Variants in MARK3 observed in about 807,000 individuals in gnomAD.
MARK3 encodes the protein MAP/microtubule affinity-regulating kinase 3.
A neutral mutation model predicts 90.1 loss-of-function variants in MARK3; 46 were observed. The ratio of observed to expected loss-of-function variants is 0.51; its 90% CI spans 0.40 to 0.65. MARK3 has a LOEUF of 0.65. Among genes scored for constraint, MARK3 ranks in the 30% least tolerant of loss-of-function variants. The probability of loss-of-function intolerance (pLI) is 0.00; values close to 1 mark genes in which losing one functional copy is unlikely to be tolerated. For synonymous variants in MARK3, 321 were observed against 332.6 expected, an observed-to-expected ratio of 0.97 and a Z score of 0.38; for missense variants, 818 against 947.2, an observed-to-expected ratio of 0.86 and a Z score of 1.79.
chr14:103,495,690 C>A (rs752713762), intron 15 of MARK3, among the ~76,000 whole-genome samples: 1 of 152,178 alleles, frequency 6.6e-6, no homozygotes, highest in African/African-American at 2.4e-5. Context: ...CAGGCTATTT[C>A]CACACCCCCA....
At chr14:103,427,924 C>T (rs139196904) in intron 2 of MARK3, among the ~76,000 whole-genome samples, 110 of 152,318 alleles carry the variant, frequency 7.2e-4, no homozygotes, top group African/African-American at 2.5e-3. Context: ...TCCTATCTCA[C>T]CCTGTGACTA....
chr14:103,441,557 A>G (rs1240752058), intron 3 of MARK3: 2 of 152,278 alleles, frequency 1.3e-5, no homozygotes, highest in Admixed American at 1.3e-4. Flanking sequence ...AAGTGCTGGA[A>G]TTACAGGTGT....
chr14:103,393,660 A>G (rs539319789), intron 1 of MARK3, among the ~76,000 whole-genome samples: 64 of 152,328 alleles, frequency 4.2e-4, no homozygotes, highest in Admixed American at 2.2e-3. Context: ...TTAGACTTAC[A>G]TGGTGCATGA....
At chr14:103,458,695 G>A in intron 6 of MARK3, 1 of 666,578 alleles carries the variant, frequency 1.5e-6, no homozygotes, top group Admixed American at 2.4e-5. Flanking sequence ...TTTTTTCTTA[G>A]AACCTTTATA....
chr14:103,477,877 G>T (rs2093742083), intron 13 of MARK3, among the ~76,000 whole-genome samples: 1 of 151,888 alleles, frequency 6.6e-6, no homozygotes, highest in African/African-American at 2.4e-5. Flanking sequence ...TGTAGTACCA[G>T]CTACTTGAGA....
In MARK3 at chr14:103,462,461, G is replaced by A. The variant is rs1424796733; in HGVS notation, c.540G>A (p.Lys180=). ...AACGGATCGTACATCGAGACCTCAAGGTGAGTAGAAGTGCCTCACTCAGTG... is the reference window on the plus strand; with the variant it reads ...AACGGATCGTACATCGAGACCTCAAAGTGAGTAGAAGTGCCTCACTCAGTG... ...HQKRIVHRDL[K]AENLLLDADM... The change falls in exon 7 of 18, where the codon AAG becomes AAA. Residue 180 remains lysine (K), a splice_region_variant and synonymous_variant. Transcript: ENST00000429436. 1 of 1,600,210 alleles carries A rather than the reference G, an allele frequency of 6.2e-7. No individual in the cohort carries two copies. The highest frequency in any genetic ancestry group is 1.3e-5 in the African/African-American group (1 of 74,676).
intron 12 of MARK3, among the ~76,000 whole-genome samples, chr14:103,471,694 GT>G (rs2093627759): frequency 2.0e-5 from 3 of 151,688 alleles, no homozygotes; most frequent in Admixed American, 1.3e-4. Context: ...GTCCTTCCTC[GT>G]TTGAGACCCA....
chr14:103,479,628 C>CTTTTTTTTTTTTTTT lies in MARK3; in HGVS notation c.1483-752_1483-738dup, dbSNP rs34768749. Among the ~76,000 whole-genome samples, 8 of 78,238 alleles carry CTTTTTTTTTTTTTTT rather than the reference C, an allele frequency of 1.0e-4. 1 individual carries two copies. Among genetic ancestry groups the CTTTTTTTTTTTTTTT allele is most frequent in the African/African-American group, 1.6e-4 (3 of 18,960 alleles). The allele number at this position is 78,238 out of a possible 152,430, so 51.3% of individuals were successfully genotyped here. A position where few individuals can be genotyped will look rare whatever the true frequency, so the allele number is the denominator to read the frequency against. On this transcript the variant is annotated intron_variant, in intron 13 of 17. Transcript: ENST00000429436. ...ATGTGTTTCTTGGCCATACGTATAG[C>CTTTTTTTTTTTTTTT]TTTTTTTTTTTTTTTTTTTTTGAGA...
At chr14:103,386,402 C>T (rs1212783790) in intron 1 of MARK3, 4 of 639,952 alleles carry the variant, frequency 6.3e-6, no homozygotes, top group Middle Eastern at 2.4e-4. Flanking sequence ...TGTGTCAGAT[C>T]ACTGCAGTGG....
chr14:103,424,888 G>A (rs1409480500), intron 2 of MARK3, among the ~76,000 whole-genome samples: 1 of 151,992 alleles, frequency 6.6e-6, no homozygotes, highest in African/African-American at 2.4e-5. Context: ...CCTGTTTTTT[G>A]GTTACTGATT....
chr14:103,496,112 G>C (rs1365927198), intron 15 of MARK3, among the ~76,000 whole-genome samples: 1 of 152,228 alleles, frequency 6.6e-6, no homozygotes, highest in African/African-American at 2.4e-5. Flanking sequence ...AGGCAGAACA[G>C]CCAGGCACAC....
chr14:103,449,907 T>C (rs997766277), intron 4 of MARK3, among the ~76,000 whole-genome samples: 4 of 152,022 alleles, frequency 2.6e-5, no homozygotes, highest in African/African-American at 9.7e-5. Flanking sequence ...AAAGGATTGA[T>C]GTTTAGTATC....
chr14:103,410,661 C>T (rs979762970), intron 2 of MARK3, among the ~76,000 whole-genome samples: 1 of 151,886 alleles, frequency 6.6e-6, no homozygotes, highest in South Asian at 2.1e-4. Context: ...ATGATTGTAC[C>T]GCTGTACTCC....
chr14:103,489,555 C>CTA (rs1314378721), intron 14 of MARK3: 1 of 152,480 alleles, frequency 6.6e-6, no homozygotes, highest in Non-Finnish European at 1.5e-5. Context: ...GAGCGAGGCT[C>CTA]TATACTGAGG....
chr14:103,463,428 A>G (rs2093440071), intron 7 of MARK3, among the ~76,000 whole-genome samples: 1 of 152,060 alleles, frequency 6.6e-6, no homozygotes, highest in Admixed American at 6.6e-5. Flanking sequence ...GGGATCCAGG[A>G]CCCAGCTGAG....
Position 103,467,199 on chromosome 14 carries a change from T to C in MARK3, c.1110+8T>C, listed in dbSNP as rs905992976. On this transcript the variant is annotated splice_region_variant and intron_variant, in intron 11 of 17. Transcript: ENST00000429436. ...GGGAGAAAATCTTCAGAGGTAAGAG[T>C]AATCAGAAAGAGCTGAAATACCCTG... The C allele has an allele frequency of 1.4e-6, 2 of 1,431,200 alleles. No homozygotes were observed. Among genetic ancestry groups the C allele is most frequent in the Non-Finnish European group, 1.9e-6 (2 of 1,026,064 alleles). 88.7% of individuals were successfully genotyped at this position (1,431,200 alleles called of 1,614,324 possible).
chr14:103,483,859 T>C (rs753483442), intron 14 of MARK3, among the ~76,000 whole-genome samples: 1 of 152,232 alleles, frequency 6.6e-6, no homozygotes, highest in African/African-American at 2.4e-5. Context: ...ATCATGATGG[T>C]ATAGGTTTGC....
intron 2 of MARK3, among the ~76,000 whole-genome samples, chr14:103,426,909 A>ATC (rs2092423703): frequency 1.4e-5 from 2 of 145,742 alleles, no homozygotes; most frequent in Non-Finnish European, 3.0e-5. Flanking sequence ...AAAAAAAAAA[A>ATC]TTTTTAAAGT....
chr14:103,488,352 C>T (rs1037337996), intron 14 of MARK3, among the ~76,000 whole-genome samples: 1 of 152,140 alleles, frequency 6.6e-6, no homozygotes, highest in African/African-American at 2.4e-5. Context: ...AGCAGAAGCC[C>T]TCAGGTGGTC....
Sources: gnomAD v4.1 joint callset for allele counts (sites outside exome capture counted in the v4.1 genomes callset) on GRCh38, gnomAD v4.1.1 for gene constraint, MANE v1.5 for transcripts, NCBI Gene and HGNC (gene_info 2026-07-23, HGNC 2026-07-21) for gene names.